RBFOX1: variants seen among roughly 807,000 people sequenced by gnomAD.
RBFOX1 encodes RNA binding fox-1 homolog 1, also known as RNA binding protein fox-1 homolog 1.
In RBFOX1, 8 loss-of-function variants were observed where a neutral mutation model predicts 57.7. The ratio of observed to expected loss-of-function variants is 0.14; its 90% CI spans 0.08 to 0.25. The LOEUF (loss-of-function observed/expected upper bound fraction) is 0.25. RBFOX1 is among the 10% of genes least tolerant of loss of function. The probability of loss-of-function intolerance (pLI) is 1.00; values close to 1 mark genes in which losing one functional copy is unlikely to be tolerated. For missense variants in RBFOX1, 611 were observed against 548.5 expected, an observed-to-expected ratio of 1.11 and a Z score of -1.14; for synonymous variants, 326 against 222.4, an observed-to-expected ratio of 1.47 and a Z score of -4.15.
intron 1 of RBFOX1, among the ~76,000 whole-genome samples, chr16:5,296,559 TAAA>T (rs529106351): frequency 0.02 from 2,946 of 149,378 alleles, 81 homozygotes; most frequent in African/African-American, 0.068. Context: ...ATTTTTTAAT[TAAA>T]AAAAAAAAAA....
At chr16:7,485,064 T>C (rs2065040639) in intron 4 of RBFOX1, among the ~76,000 whole-genome samples, 1 of 2,860 alleles carries the variant, frequency 3.5e-4, no homozygotes, top group East Asian at 0.12. Context: ...TTAATCCACT[T>C]TTTTTTTTTT....
At chr16:6,387,570 T>C (rs1016476587) in intron 2 of RBFOX1, among the ~76,000 whole-genome samples, 4 of 152,172 alleles carry the variant, frequency 2.6e-5, no homozygotes, top group African/African-American at 9.6e-5. Context: ...CATCTGCTTA[T>C]AGGCTCATAA....
rs778273386 is a variant in RBFOX1 at position 5,259,991 on chromosome 16, G to A, written c.219+19886G>A. Among the ~76,000 whole-genome samples, 37 of 152,242 alleles carry A rather than the reference G, an allele frequency of 2.4e-4. No individual in the cohort carries two copies. The Middle Eastern group carries it at 0.017, about 70-fold the overall frequency. ...TGAGGTGGTCAGATCACTTGAGGCC[G>A]AGAGTTTGAGACCAGCCTGGACGAC... On this transcript the variant is annotated intron_variant, in intron 1 of 2. Transcript: ENST00000585867.
intron 3 of RBFOX1, among the ~76,000 whole-genome samples, chr16:6,797,256 C>T (rs145067320): frequency 3.4e-4 from 52 of 152,228 alleles, no homozygotes; most frequent in African/African-American, 1.2e-3. Context: ...GTTATTCCCC[C>T]ATAACGCTGT....
At chr16:6,319,026 A>C (rs2081442315) in intron 2 of RBFOX1, among the ~76,000 whole-genome samples, 1 of 152,034 alleles carries the variant, frequency 6.6e-6, no homozygotes, top group South Asian at 2.1e-4. Flanking sequence ...GGTTATCAGG[A>C]AGGCAGATGA....
At chr16:6,402,122 A>C (rs2093096520) in intron 2 of RBFOX1, among the ~76,000 whole-genome samples, 1 of 151,660 alleles carries the variant, frequency 6.6e-6, no homozygotes, top group African/African-American at 2.4e-5. Flanking sequence ...TTTTCTTGTG[A>C]GTCCTGTCCC....
chr16:5,622,605 G>A (rs2048232372), intron 3 of RBFOX1, among the ~76,000 whole-genome samples: 1 of 152,212 alleles, frequency 6.6e-6, no homozygotes, highest in East Asian at 1.9e-4. Context: ...GCAAACTTCA[G>A]CCCATAGGCC....
intron 4 of RBFOX1, among the ~76,000 whole-genome samples, chr16:7,394,386 C>T (rs1004442895): frequency 6.6e-6 from 1 of 151,898 alleles, no homozygotes; most frequent in African/African-American, 2.4e-5. Context: ...CCAGTCCCTT[C>T]TGTCTCCTTA....
In RBFOX1 at chr16:6,696,554, A is replaced by G. The variant is rs183056824; in HGVS notation, c.-16+41904A>G. On this transcript the variant is annotated intron_variant, in intron 3 of 15. Coordinates refer to ENST00000550418, the MANE Select transcript of RBFOX1 (RefSeq NM_018723.4). ...ACTTCAAATATTTATTTGAGGTTTA[A>G]TTCGAGTAATTTAGGAAAACATTGA... Among the ~76,000 whole-genome samples, 135 of 152,330 alleles carry G rather than the reference A, an allele frequency of 8.9e-4. 1 individual carries two copies. In the East Asian group the frequency reaches 9.1e-3, roughly 10 times the overall value.
At chr16:7,006,813 G>T (rs1271518224) in intron 3 of RBFOX1, among the ~76,000 whole-genome samples, 2 of 152,116 alleles carry the variant, frequency 1.3e-5, no homozygotes, top group East Asian at 3.9e-4. Flanking sequence ...TAAGTCACCT[G>T]CCCAAGAACC....
chr16:5,674,748 G>A (rs1194044052), intron 3 of RBFOX1, among the ~76,000 whole-genome samples: 4 of 152,192 alleles, frequency 2.6e-5, no homozygotes, highest in African/African-American at 9.7e-5. Context: ...TCACAGATTT[G>A]TAACTTCAGA....
intron 4 of RBFOX1, among the ~76,000 whole-genome samples, chr16:7,280,413 C>G (rs1413411672): frequency 6.6e-6 from 1 of 152,198 alleles, no homozygotes; most frequent in Non-Finnish European, 1.5e-5. Context: ...GCACAATGTC[C>G]AAGGGATCCC....
rs1184777172 is a variant in RBFOX1 at position 5,709,809 on chromosome 16, TTATATATATATATATATATA to T, written c.318+110864_318+110883del. Among the ~76,000 whole-genome samples the T allele has an allele frequency of 3.1e-3, 45 of 14,414 alleles. 2 individuals carry two copies. Among genetic ancestry groups the T allele is most frequent in the Non-Finnish European group, 4.8e-3 (35 of 7,260 alleles). The allele number at this position is 14,414 out of a possible 152,430, so 9.5% of individuals were successfully genotyped here. On this transcript the variant is annotated intron_variant, in intron 3 of 19. Transcript: ENST00000641259. ...TCTACTGGGTGTTGTATCAGTTTCT[TTATATATATATATATATATA>T]TATATATATATATATTTTTTTTTTT...
chr16:6,636,514 A>G (rs902654116), intron 2 of RBFOX1, among the ~76,000 whole-genome samples: 29 of 151,080 alleles, frequency 1.9e-4, no homozygotes, highest in African/African-American at 6.9e-4. Context: ...TTTAATAACA[A>G]TATTAAAAAA....
intron 3 of RBFOX1, among the ~76,000 whole-genome samples, chr16:5,614,164 G>A (rs928992885): frequency 6.6e-6 from 1 of 152,254 alleles, no homozygotes; most frequent in East Asian, 1.9e-4. Flanking sequence ...TCAGGTGGTT[G>A]GGGGATCCTG....
chr16:6,521,421 T>A (rs1284967303), intron 2 of RBFOX1, among the ~76,000 whole-genome samples: 1 of 150,896 alleles, frequency 6.6e-6, no homozygotes, highest in African/African-American at 2.4e-5. Context: ...TTCTTTTTTC[T>A]CTTCCTTCCC....
intron 2 of RBFOX1, among the ~76,000 whole-genome samples, chr16:6,328,510 A>G (rs761158906): frequency 2.6e-5 from 4 of 152,160 alleles, no homozygotes; most frequent in Non-Finnish European, 5.9e-5. Flanking sequence ...AATAGACCCT[A>G]TGGGTCACAT....
At chr16:7,532,126 A>G (rs2080241238) in intron 5 of RBFOX1, among the ~76,000 whole-genome samples, 1 of 130,140 alleles carries the variant, frequency 7.7e-6, no homozygotes, top group Non-Finnish European at 1.7e-5. Context: ...GGGAGAAACT[A>G]GCTACCTTTT....
rs151221647 is a variant in RBFOX1 at position 6,958,365 on chromosome 16, C to G, written c.-15-93692C>G. ...CCTCAAGTAGCATTTTTATCACCCA[C>G]CATTAGAAAAGAGATGGAGTCAGCA... is the stretch of plus-strand genomic sequence containing the variant. On this transcript the variant is annotated intron_variant, in intron 3 of 15. Transcript: ENST00000550418. Among the ~76,000 whole-genome samples, 8 of 152,232 alleles carry G rather than the reference C, an allele frequency of 5.3e-5. 1 individual carries two copies. The highest frequency in any genetic ancestry group is 2.1e-4 in the South Asian group (1 of 4,826).
Sources: gnomAD v4.1 joint callset for allele counts (sites outside exome capture counted in the v4.1 genomes callset) on GRCh38, gnomAD v4.1.1 for gene constraint, MANE v1.5 for transcripts, NCBI Gene and HGNC (gene_info 2026-07-23, HGNC 2026-07-21) for gene names.